Variants in RGPD2 observed in about 807,000 individuals in gnomAD.
RGPD2 encodes RANBP2 like and GRIP domain containing 2, also known as RANBP2-like and GRIP domain-containing protein 2.
In RGPD2, 2 loss-of-function variants were observed where a neutral mutation model predicts 36.0. The ratio of observed to expected loss-of-function variants is 0.06; its 90% CI spans 0.02 to 0.17. The LOEUF (loss-of-function observed/expected upper bound fraction) is 0.17, where lower values mean the gene tolerates loss of function less well. Among genes scored for constraint, RGPD2 ranks in the 10% least tolerant of loss-of-function variants. The pLI, the probability that RGPD2 is intolerant of heterozygous loss-of-function variation, is 1.00. For synonymous variants in RGPD2, 19 were observed against 163.8 expected (o/e 0.12, Z 6.75); for missense variants, 40 against 464.3 (o/e 0.09, Z 8.40).
chr2:87,964,820 T>TTA, the RGPD2 span, among the ~76,000 whole-genome samples: 3 of 80,136 alleles, frequency 3.7e-5, no homozygotes, highest in Admixed American at 1.2e-4. Flanking sequence ...TATTTATTTT[T>TTA]CTTTTTGAGA....
At chr2:87,836,778 G>A in the RGPD2 span, among the ~76,000 whole-genome samples, 1 of 152,036 alleles carries the variant, frequency 6.6e-6, no homozygotes, top group African/African-American at 2.4e-5. Context: ...CACCTAAAAA[G>A]CACAGAGTGA....
the RGPD2 span, among the ~76,000 whole-genome samples, chr2:87,875,556 AG>A: frequency 2.0e-5 from 3 of 152,198 alleles, no homozygotes; most frequent in African/African-American, 7.2e-5. Context: ...TCAGATATGA[AG>A]CCAACTGGAT....
At chr2:87,799,252 CAGCTACTTG>C (rs1170823441) in intron 8 of RGPD2, among the ~76,000 whole-genome samples, 2 of 78,624 alleles carry the variant, frequency 2.5e-5, no homozygotes, top group Non-Finnish European at 5.6e-5. Flanking sequence ...CCTGTAGTCC[CAGCTACTTG>C]GGAGGCTGAG....
At chr2:87,857,395 T>C in the RGPD2 span, among the ~76,000 whole-genome samples, 2 of 151,672 alleles carry the variant, frequency 1.3e-5, no homozygotes, top group African/African-American at 4.8e-5. Context: ...CAGGCTGGGG[T>C]GCAGTGGTGC....
the RGPD2 span, among the ~76,000 whole-genome samples, chr2:87,972,246 G>T: frequency 2.8e-5 from 4 of 144,184 alleles, no homozygotes; most frequent in Non-Finnish European, 4.6e-5. Flanking sequence ...GTAAGTAACT[G>T]CTTGACGAGT....
At chr2:87,958,016 A>G in the RGPD2 span, among the ~76,000 whole-genome samples, 2 of 152,298 alleles carry the variant, frequency 1.3e-5, no homozygotes, top group Admixed American at 6.5e-5. Flanking sequence ...AGCTAATTAA[A>G]CATATGTTTA....
the RGPD2 span, among the ~76,000 whole-genome samples, chr2:87,958,337 G>C: frequency 1.3e-5 from 2 of 151,948 alleles, no homozygotes; most frequent in Non-Finnish European, 2.9e-5. Flanking sequence ...CTTAGTTTCA[G>C]GCATTTTTGT....
chr2:87,771,383 G>GTTTTT (rs771252838), intron 22 of RGPD2: 13 of 22,728 alleles, frequency 5.7e-4, no homozygotes, highest in Admixed American at 1.9e-3. Flanking sequence ...CTACATCATA[G>GTTTTT]TTTTTTTTTT....
the RGPD2 span, among the ~76,000 whole-genome samples, chr2:87,905,147 G>A: frequency 6.6e-6 from 1 of 152,142 alleles, no homozygotes; most frequent in Non-Finnish European, 1.5e-5. Flanking sequence ...ATAGGCCATG[G>A]CAGGAACATG....
chr2:87,867,357 T>TA, the RGPD2 span, among the ~76,000 whole-genome samples: 1 of 149,560 alleles, frequency 6.7e-6, no homozygotes, highest in African/African-American at 2.5e-5. Context: ...TGAATTACAG[T>TA]AAAAAATAAG....
the RGPD2 span, among the ~76,000 whole-genome samples, chr2:87,964,321 T>C: frequency 1.3e-5 from 2 of 152,172 alleles, no homozygotes; most frequent in African/African-American, 4.8e-5. Context: ...CAATGTCATA[T>C]ATTCCTACCA....
At chr2:87,988,129 T>C in the RGPD2 span, among the ~76,000 whole-genome samples, 1 of 150,978 alleles carries the variant, frequency 6.6e-6, no homozygotes, top group South Asian at 2.1e-4. Flanking sequence ...CCAAGATATG[T>C]CATGAACTTC....
the RGPD2 span, among the ~76,000 whole-genome samples, chr2:87,986,839 C>T: frequency 6.7e-6 from 1 of 149,270 alleles, no homozygotes; most frequent in Non-Finnish European, 1.5e-5. Context: ...AAGATCACGC[C>T]ATTGCACTCC....
At chr2:87,914,103 TACAAGGAGTC>T in the RGPD2 span, among the ~76,000 whole-genome samples, 1 of 151,182 alleles carries the variant, frequency 6.6e-6, no homozygotes. Context: ...ATGCCTCTTA[TACAAGGAGTC>T]AGAAGATCTG....
chr2:87,947,446 C>A, the RGPD2 span, among the ~76,000 whole-genome samples: 1 of 152,300 alleles, frequency 6.6e-6, no homozygotes, highest in Non-Finnish European at 1.5e-5. Context: ...TTTCCTGCAT[C>A]AGGGCTTCCT....
the RGPD2 span, among the ~76,000 whole-genome samples, chr2:87,967,476 T>C: frequency 6.7e-6 from 1 of 150,182 alleles, no homozygotes; most frequent in Admixed American, 6.6e-5. Flanking sequence ...TTATTAATTA[T>C]CTGCCCCCAT....
chr2:87,769,375 G>A (rs1194854547), intron 22 of RGPD2, among the ~76,000 whole-genome samples: 4 of 152,068 alleles, frequency 2.6e-5, no homozygotes, highest in Non-Finnish European at 2.9e-5. Context: ...ATTGATAAGA[G>A]ACAAGTAGGA....
At chr2:87,881,040 A>T in the RGPD2 span, among the ~76,000 whole-genome samples, 1 of 151,226 alleles carries the variant, frequency 6.6e-6, no homozygotes, top group African/African-American at 2.4e-5. Flanking sequence ...TTTCAAAATA[A>T]TCTCCGTTGA....
At chr2:87,920,054 AAAATTGTGTTCTT>A in the RGPD2 span, among the ~76,000 whole-genome samples, 3 of 151,842 alleles carry the variant, frequency 2.0e-5, no homozygotes, top group African/African-American at 7.3e-5. Flanking sequence ...GCCATTATTG[AAAATTGTGTTCTT>A]AACCAATAAT....
Sources: allele counts gnomAD v4.1 joint callset (sites outside exome capture counted in the v4.1 genomes callset), GRCh38; gene constraint gnomAD v4.1.1; transcripts MANE v1.5; gene names NCBI Gene and HGNC (gene_info 2026-07-23, HGNC 2026-07-21).